Variants in MCHR2 observed in about 807,000 individuals in gnomAD.
MCHR2 encodes melanin concentrating hormone receptor 2, also known as melanin-concentrating hormone receptor 2.
MCHR2 carries 15 observed loss-of-function variants against 24.8 expected under a neutral mutation model. That is an observed-to-expected ratio of 0.60 (90% CI 0.40 to 0.93). MCHR2 has a LOEUF of 0.93. MCHR2 is among the 40% of genes least tolerant of loss of function. MCHR2 has a pLI of 0.00. For synonymous variants in MCHR2, 151 were observed against 147.6 expected (o/e 1.02, Z -0.17); for missense variants, 386 against 408.7 (o/e 0.94, Z 0.48).
chr6:99,959,355 A>G (rs990223423), intron 1 of MCHR2, among the ~76,000 whole-genome samples: 1 of 151,934 alleles, frequency 6.6e-6, no homozygotes, highest in East Asian at 2.0e-4. Flanking sequence ...TGTCCCCTGA[A>G]TCTGTAGCTA....
At chr6:99,921,391 C>T (rs993462865) in intron 5 of MCHR2, 136 bp from the exon 6 acceptor site, 8 of 752,334 alleles carry the variant, frequency 1.1e-5, no homozygotes, top group East Asian at 1.1e-4. Context: ...TTCCTACTTA[C>T]TTGGTGCATT....
intron 1 of MCHR2, among the ~76,000 whole-genome samples, chr6:99,976,116 T>C (rs751266152): frequency 8.5e-5 from 13 of 152,306 alleles, no homozygotes; most frequent in South Asian, 2.1e-4. Flanking sequence ...TGACAGCACA[T>C]TACAAATTTT....
chr6:99,953,251 G>C (rs1362547619), intron 2 of MCHR2, among the ~76,000 whole-genome samples: 1 of 152,140 alleles, frequency 6.6e-6, no homozygotes, highest in Admixed American at 6.6e-5. Context: ...AAGAGGTTTT[G>C]CATATAAAAG....
At chr6:99,934,583 A>G in intron 4 of MCHR2, 66 bp from the exon 5 acceptor site, 1 of 1,384,806 alleles carries the variant, frequency 7.2e-7, no homozygotes, top group South Asian at 1.8e-5. Context: ...TGGATTAGGA[A>G]TTGGCTTTTG....
intron 1 of MCHR2, among the ~76,000 whole-genome samples, chr6:99,970,273 C>T (rs1357359348): frequency 1.3e-5 from 2 of 152,108 alleles, no homozygotes; most frequent in African/African-American, 2.4e-5. Context: ...GAGATGGTAT[C>T]TCATTGTGGT....
intron 1 of MCHR2, among the ~76,000 whole-genome samples, chr6:99,963,403 G>A (rs1267097763): frequency 6.6e-6 from 1 of 152,090 alleles, no homozygotes; most frequent in Non-Finnish European, 1.5e-5. Flanking sequence ...AAATAAGTCA[G>A]TCACAGAAGG....
At chr6:99,970,868 T>C (rs1353809724) in intron 1 of MCHR2, among the ~76,000 whole-genome samples, 1 of 152,200 alleles carries the variant, frequency 6.6e-6, no homozygotes, top group Non-Finnish European at 1.5e-5. Context: ...AATCAGATGG[T>C]TGTAGATATG....
intron 2 of MCHR2, 89 bp from the exon 3 acceptor site, chr6:99,948,060 T>C (rs1346706190): frequency 9.0e-7 from 1 of 1,106,246 alleles, no homozygotes; most frequent in Non-Finnish European, 1.3e-6. Context: ...TTAATTGACA[T>C]AATGCATTTT....
intron 1 of MCHR2, among the ~76,000 whole-genome samples, chr6:99,976,596 A>G (rs1342596834): frequency 1.3e-5 from 2 of 152,184 alleles, no homozygotes; most frequent in Non-Finnish European, 2.9e-5. Context: ...GCTGCCAGCT[A>G]GCCACATCTG....
At chr6:99,991,581 G>T (rs1001862060) in intron 1 of MCHR2, among the ~76,000 whole-genome samples, 7 of 152,124 alleles carry the variant, frequency 4.6e-5, no homozygotes, top group African/African-American at 1.7e-4. Context: ...GCCGAGGCAG[G>T]TGGATCAGGA....
intron 1 of MCHR2, among the ~76,000 whole-genome samples, chr6:99,970,353 A>G (rs369943688): frequency 1.1e-4 from 17 of 152,090 alleles, no homozygotes; most frequent in South Asian, 4.1e-4. Flanking sequence ...CTGCATAAAT[A>G]TCTTCTTTTG....
At chr6:99,963,808 C>T (rs1290684530) in intron 1 of MCHR2, among the ~76,000 whole-genome samples, 3 of 151,824 alleles carry the variant, frequency 2.0e-5, no homozygotes, top group African/African-American at 7.3e-5. Flanking sequence ...TAAAAAATAA[C>T]ATGGGAATTA....
At chr6:99,977,134 T>G (rs1171963661) in intron 1 of MCHR2, among the ~76,000 whole-genome samples, 2 of 152,254 alleles carry the variant, frequency 1.3e-5, no homozygotes, top group East Asian at 3.8e-4. Context: ...TACTCATTCA[T>G]GAATCACTCT....
chr6:99,922,795 T>G (rs1307433915), intron 5 of MCHR2, among the ~76,000 whole-genome samples: 1 of 152,192 alleles, frequency 6.6e-6, no homozygotes, highest in African/African-American at 2.4e-5. Context: ...TTACCATAGA[T>G]CTGTAGTATT....
intron 1 of MCHR2, among the ~76,000 whole-genome samples, chr6:99,974,985 T>TG (rs1353378077): frequency 4.6e-5 from 7 of 152,152 alleles, no homozygotes; most frequent in African/African-American, 1.4e-4. Flanking sequence ...CTGCCCCTAC[T>TG]GGGGGGTGCC....
chr6:99,984,404 TC>T (rs1353270555), intron 1 of MCHR2, among the ~76,000 whole-genome samples: 16 of 62,286 alleles, frequency 2.6e-4, no homozygotes, highest in African/African-American at 1.0e-3. Flanking sequence ...AAGTTATCCC[TC>T]CCCCCCACCC....
At chr6:99,956,776 CAA>C (rs925275360) in intron 1 of MCHR2, among the ~76,000 whole-genome samples, 4 of 151,840 alleles carry the variant, frequency 2.6e-5, no homozygotes, top group Non-Finnish European at 5.9e-5. Flanking sequence ...TGCTCACTGC[CAA>C]AAAATAAACA....
At chr6:99,948,106 G>T in intron 2 of MCHR2, 135 bp from the exon 3 acceptor site, 1 of 684,948 alleles carries the variant, frequency 1.5e-6, no homozygotes, top group Non-Finnish European at 2.5e-6. Context: ...ATGCATAGAG[G>T]AAATGCCTAG....
chr6:99,930,966 TG>T (rs1463625960), intron 5 of MCHR2, among the ~76,000 whole-genome samples: 2 of 152,176 alleles, frequency 1.3e-5, no homozygotes, highest in Non-Finnish European at 2.9e-5. Context: ...CCCATCTTTG[TG>T]GTTTTATCTA....
Sources: allele counts gnomAD v4.1 joint callset (sites outside exome capture counted in the v4.1 genomes callset), GRCh38; gene constraint gnomAD v4.1.1; transcripts MANE v1.5; gene names NCBI Gene and HGNC (gene_info 2026-07-23, HGNC 2026-07-21).